Variants in STAT5A observed in about 807,000 individuals in gnomAD.
STAT5A encodes signal transducer and activator of transcription 5A, also known as epididymis secretory sperm binding protein.
In STAT5A, 26 loss-of-function variants were observed where a neutral mutation model predicts 100.2. That is an observed-to-expected ratio of 0.26 (90% CI 0.19 to 0.36). The LOEUF (loss-of-function observed/expected upper bound fraction) is 0.36. Among genes scored for constraint, STAT5A ranks in the 10% least tolerant of loss-of-function variants. The pLI is 1.00. For missense variants in STAT5A, 634 were observed against 1,027.5 expected (o/e 0.62, Z 5.24); for synonymous variants, 330 against 424.3 (o/e 0.78, Z 2.73).
chr17:42,289,091 A>C, intron 1 of STAT5A: 1 of 257,914 alleles, frequency 3.9e-6, no homozygotes, highest in Non-Finnish European at 7.4e-6. Context: ...TCCCGCCGTC[A>C]AGTTTCTCTT....
chr17:42,310,030 T>C (rs2081065376), intron 18 of STAT5A, among the ~76,000 whole-genome samples: 1 of 152,248 alleles, frequency 6.6e-6, no homozygotes, highest in Admixed American at 6.5e-5. Context: ...GCAAGCTTCC[T>C]GATATGGCCT....
chr17:42,305,951 A>G (rs890351654), intron 12 of STAT5A, among the ~76,000 whole-genome samples: 2 of 151,978 alleles, frequency 1.3e-5, no homozygotes, highest in East Asian at 1.9e-4. Context: ...CTGGTCTGGG[A>G]TCCTCCTTTG....
In STAT5A at chr17:42,308,236, C is replaced by T. The variant is rs773910590; in HGVS notation, c.1965C>T (p.Ser655=). The T allele has an allele frequency of 6.2e-7, 1 of 1,614,106 alleles. No individual in the cohort carries two copies. ...PFTTRDFSIR[S]LADRLGDLSY... ...CCACGCGGGATTTCTCCATCAGGTCCCTGGCTGACCGGCTGGGGGACCTGA... is the reference window on the plus strand; with the variant it reads ...CCACGCGGGATTTCTCCATCAGGTCTCTGGCTGACCGGCTGGGGGACCTGA... The change falls in exon 16 of 19, where the codon TCC becomes TCT. Residue 655 remains serine (S), a synonymous_variant. Coordinates refer to ENST00000590949, the MANE Select transcript of STAT5A (RefSeq NM_001288718.2). The surrounding 1 kb of genome is among the most constrained non-coding windows in gnomAD (Gnocchi z 4.6).
At chr17:42,310,409 A>C in intron 18 of STAT5A, 98 bp from the exon 19 acceptor site, 1 of 1,379,538 alleles carries the variant, frequency 7.2e-7, no homozygotes, top group East Asian at 2.3e-5. Flanking sequence ...TGTTCTCATG[A>C]GACGGGTTTG....
rs1351172436 is a variant in STAT5A, at chr17:42,309,105, G to A, written c.2114+7G>A. ...TCAAGCAAGTGGTCCCTGAGTAAGT[G>A]TCCAGGTGGCTGTGGCTCTCCTTCT... On this transcript the variant is annotated splice_region_variant and intron_variant, in intron 17 of 18. Coordinates refer to ENST00000590949, the MANE Select transcript of STAT5A (RefSeq NM_001288718.2). 1.2e-6 allele frequency: 2 copies of A among 1,613,910 alleles called. No individual in the cohort carries two copies. The highest frequency in any genetic ancestry group is 1.7e-6 in the Non-Finnish European group (2 of 1,180,024).
intron 4 of STAT5A, 79 bp from the exon 5 acceptor site, chr17:42,295,540 T>TCTGC: frequency 6.8e-7 from 1 of 1,480,538 alleles, no homozygotes. Context: ...TTGGGGTCTG[T>TCTGC]AGTATTGGTG....
At chr17:42,288,395 G>A (rs554137001), upstream of STAT5A, 2 of 152,498 alleles carry the variant, frequency 1.3e-5, no homozygotes, top group East Asian at 3.9e-4. This position sits in a 1 kb window ranked among gnomAD's most constrained non-coding sequence, Gnocchi z 4.8. Context: ...GAGGGAGCAA[G>A]CGGGGCTGGG....
rs146941934 is a variant in STAT5A at position 42,300,725 on chromosome 17, T to C, written c.844T>C (p.Leu282=). ...GGGGCTCTCGTGCAGGTGTGAGAAGTTGGCCGAGATCATCTGGCAGAACCG... is the reference window on the plus strand; with the variant it reads ...GGGGCTCTCGTGCAGGTGTGAGAAGCTGGCCGAGATCATCTGGCAGAACCG... The part of the protein sequence containing the change: ...LDVLQSWCEK[L]AEIIWQNRQQ... Residue 282 remains leucine (L), a synonymous_variant, in exon 8 of 19, where the codon TTG becomes CTG. Transcript: ENST00000590949. The C allele has an allele frequency of 9.3e-4, 1,500 of 1,613,670 alleles. 14 individuals carry two copies. In the African/African-American group the frequency reaches 0.013, roughly 14 times the overall value.
chr17:42,307,255 G>A (rs1318908147), intron 13 of STAT5A, 147 bp from the exon 14 acceptor site: 4 of 759,140 alleles, frequency 5.3e-6, no homozygotes, highest in South Asian at 4.9e-5. Context: ...GTTGGGGGCT[G>A]TGTCACTTTA....
intron 5 of STAT5A, among the ~76,000 whole-genome samples, chr17:42,296,777 A>G (rs899600395): frequency 1.3e-5 from 2 of 152,150 alleles, no homozygotes; most frequent in African/African-American, 4.8e-5. Context: ...AGCTGGGACT[A>G]CAGGTGCAGG....
intron 4 of STAT5A, among the ~76,000 whole-genome samples, chr17:42,292,389 C>T (rs895315232): frequency 1.1e-4 from 17 of 151,440 alleles, no homozygotes; most frequent in African/African-American, 2.7e-4. Flanking sequence ...AGTGCAGTGG[C>T]GTGATCTCGG....
intron 3 of STAT5A, 24 bp downstream of exon 3, chr17:42,290,046 T>C: frequency 1.9e-6 from 3 of 1,580,104 alleles, no homozygotes; most frequent in Non-Finnish European, 1.7e-6. Context: ...CTGGGCCACC[T>C]ACGGGGAGGA....
intron 2 of STAT5A, 43 bp downstream of exon 2, chr17:42,289,582 A>G (rs1240481381): frequency 1.9e-6 from 3 of 1,595,994 alleles, no homozygotes; most frequent in African/African-American, 1.3e-5. Flanking sequence ...GGTCCCTACC[A>G]TCCAGGCCCT....
chr17:42,289,572 G>A (rs191603448), intron 2 of STAT5A, 33 bp downstream of exon 2: 1 of 1,606,448 alleles, frequency 6.2e-7, no homozygotes, highest in African/African-American at 1.3e-5. Flanking sequence ...CTCCTCAGAG[G>A]GTCCCTACCA....
chr17:42,289,313 C>G, intron 1 of STAT5A, 89 bp from the exon 2 acceptor site: 1 of 1,409,650 alleles, frequency 7.1e-7, no homozygotes. Context: ...GGCCGCGGTC[C>G]AGGGATAGGT....
intron 4 of STAT5A, among the ~76,000 whole-genome samples, chr17:42,293,439 A>G (rs976284717): frequency 2.6e-5 from 4 of 151,964 alleles, no homozygotes; most frequent in African/African-American, 9.7e-5. Flanking sequence ...TCCTGACTTC[A>G]AGTGATCCAC....
At chr17:42,305,786 G>A (rs1321052666) in intron 12 of STAT5A, 84 bp downstream of exon 12, 1 of 1,433,822 alleles carries the variant, frequency 7.0e-7, no homozygotes, top group African/African-American at 1.4e-5. Flanking sequence ...GGCCCCTGCT[G>A]AGTGGTCCTT....
At chr17:42,307,938 G>A (rs968706511) in intron 15 of STAT5A, among the ~76,000 whole-genome samples, 2 of 152,176 alleles carry the variant, frequency 1.3e-5, no homozygotes, top group African/African-American at 2.4e-5. Context: ...GGACGGCTGG[G>A]CGAGTCCTCC....
At chr17:42,303,983 G>C (rs910880393) in intron 9 of STAT5A, among the ~76,000 whole-genome samples, 3 of 152,204 alleles carry the variant, frequency 2.0e-5, no homozygotes, top group African/African-American at 7.2e-5. Context: ...AATTCAGTGA[G>C]GCCAGGGGGG....
Sources: allele counts gnomAD v4.1 joint callset (sites outside exome capture counted in the v4.1 genomes callset), GRCh38; gene constraint gnomAD v4.1.1; non-coding constraint Gnocchi (gnomAD v3.1); transcripts MANE v1.5; gene names NCBI Gene and HGNC (gene_info 2026-07-23, HGNC 2026-07-21).